Variants in PLCL2 observed in about 807,000 individuals in gnomAD.
The protein encoded by PLCL2 is inactive phospholipase C-like protein 2.
Under a neutral mutation model 79.6 loss-of-function variants are expected in PLCL2, and 4 were observed. That is an observed-to-expected ratio of 0.05 (90% confidence interval 0.02 to 0.11). The LOEUF (loss-of-function observed/expected upper bound fraction) is 0.11. Among genes scored for constraint, PLCL2 ranks in the 10% least tolerant of loss-of-function variants. The pLI, the probability that PLCL2 is intolerant of heterozygous loss-of-function variation, is 1.00. For synonymous variants in PLCL2, 484 were observed against 457.7 expected, an observed-to-expected ratio of 1.06 and a Z score of -0.73; for missense variants, 895 against 1,291.0, an observed-to-expected ratio of 0.69 and a Z score of 4.70.
intron 1 of PLCL2, among the ~76,000 whole-genome samples, chr3:16,929,774 T>C (rs1204435747): frequency 6.6e-6 from 1 of 152,202 alleles, no homozygotes; most frequent in Non-Finnish European, 1.5e-5. Flanking sequence ...TATCCTGACA[T>C]AGGAACTATT....
At chr3:16,928,426 C>G (rs1465940576) in intron 1 of PLCL2, among the ~76,000 whole-genome samples, 2 of 152,306 alleles carry the variant, frequency 1.3e-5, no homozygotes, top group South Asian at 4.2e-4. Flanking sequence ...GTATGAGAGT[C>G]CTCCAGGGAT....
intron 1 of PLCL2, among the ~76,000 whole-genome samples, chr3:16,937,583 T>C (rs1173010598): frequency 6.6e-6 from 1 of 152,246 alleles, no homozygotes; most frequent in Non-Finnish European, 1.5e-5. Context: ...GATTTGCTGT[T>C]GCGGCTTTCT....
intron 3 of PLCL2, among the ~76,000 whole-genome samples, chr3:17,028,191 G>A (rs570379813): frequency 2.0e-5 from 3 of 152,282 alleles, no homozygotes; most frequent in African/African-American, 4.8e-5. Context: ...GCTCTGCATC[G>A]TCTCTGAAAA....
chr3:17,023,480 A>G (rs890730750), intron 3 of PLCL2, among the ~76,000 whole-genome samples: 4 of 152,176 alleles, frequency 2.6e-5, no homozygotes, highest in South Asian at 2.1e-4. Context: ...GTGATAGTGA[A>G]TAAGTCTCAT....
At chr3:16,966,028 G>A (rs1458236925) in intron 1 of PLCL2, among the ~76,000 whole-genome samples, 3 of 151,856 alleles carry the variant, frequency 2.0e-5, no homozygotes, top group Non-Finnish European at 4.4e-5. Context: ...CTGCCTAATT[G>A]CCCTGGCCAG....
At position 16,885,233 on chromosome 3, in the gene PLCL2, G is replaced by A. The variant is rs1474968671; in HGVS notation, c.194G>A (p.Gly65Glu). The A allele has an allele frequency of 1.5e-6, 1 of 665,086 alleles. No individual in the cohort carries two copies. The highest frequency in any genetic ancestry group is 2.2e-5 in the Admixed American group (1 of 44,992). The allele number at this position is 665,086 out of a possible 1,614,324, so 41.2% of individuals were successfully genotyped here. Residue 65 changes from glycine to glutamate, a missense_variant, in exon 1 of 6, where the codon GGG becomes GAG. Physicochemically the swap from Gly to Glu is moderately conservative, Grantham distance 98. Coordinates refer to ENST00000615277, the MANE Select transcript of PLCL2 (RefSeq NM_001144382.2). ...GGAGACTGCAGCCTCGGCGTGTCCGGGGACGAAGCCCGGGCTAGCCCTACC... is the reference window on the plus strand; with the variant it reads ...GGAGACTGCAGCCTCGGCGTGTCCGAGGACGAAGCCCGGGCTAGCCCTACC... ...SNGDCSLGVS[G>E]DEARASPTRG...
chr3:17,037,491 T>C (rs2124915705), intron 3 of PLCL2, among the ~76,000 whole-genome samples: 1 of 152,366 alleles, frequency 6.6e-6, no homozygotes, highest in East Asian at 1.9e-4. Flanking sequence ...TCTAGCCTTT[T>C]TCTTTTATAG....
intron 5 of PLCL2, among the ~76,000 whole-genome samples, chr3:17,070,533 A>T (rs1193352453): frequency 6.6e-6 from 1 of 152,080 alleles, no homozygotes; most frequent in Non-Finnish European, 1.5e-5. Flanking sequence ...GTGTTTAAGG[A>T]TGGTAGAATG....
chr3:17,077,420 T>A (rs998439411), intron 5 of PLCL2, among the ~76,000 whole-genome samples: 1 of 152,232 alleles, frequency 6.6e-6, no homozygotes, highest in African/African-American at 2.4e-5. Context: ...ATGACTTCTG[T>A]GAGTTTTAGT....
chr3:17,038,893 A>G (rs2064688678), intron 3 of PLCL2, among the ~76,000 whole-genome samples: 1 of 152,212 alleles, frequency 6.6e-6, no homozygotes, highest in South Asian at 2.1e-4. Flanking sequence ...TGGGAAAAGC[A>G]GAGGCTTCAA....
chr3:16,994,029 C>T (rs982611333), intron 1 of PLCL2, among the ~76,000 whole-genome samples: 4 of 152,194 alleles, frequency 2.6e-5, no homozygotes, highest in Non-Finnish European at 5.9e-5. Context: ...GACTTAACAG[C>T]AGTGAGGCCT....
intron 5 of PLCL2, among the ~76,000 whole-genome samples, chr3:17,071,328 A>AAGGTT (rs1335668460): frequency 6.6e-6 from 1 of 151,672 alleles, no homozygotes; most frequent in Non-Finnish European, 1.5e-5. Context: ...GTTTTTTTTT[A>AAGGTT]TTTTGAAGGT....
At chr3:16,983,226 C>CCGT (rs199861075) in intron 1 of PLCL2, among the ~76,000 whole-genome samples, 2,405 of 100,320 alleles carry the variant, frequency 0.024, 58 homozygotes, top group African/African-American at 0.069. Flanking sequence ...ATTCAGCAGT[C>CCGT]CCTAACTAAT....
Position 17,072,158 on chromosome 3 carries a change from A to T in PLCL2, c.3204+4093A>T, listed in dbSNP as rs183814574. On this transcript the variant is annotated intron_variant, in intron 5 of 5. Transcript: ENST00000615277. ...ATTCTAATATAATTGTTCTTTAAAA[A>T]TTTTTAAGTACTAAATTTCATTTTA... Among the ~76,000 whole-genome samples, 8 of 152,306 alleles carry T rather than the reference A, an allele frequency of 5.3e-5. No homozygotes were observed. The East Asian group carries it at 1.4e-3, about 26-fold the overall frequency.
At chr3:17,080,551 A>G (rs932096135) in intron 5 of PLCL2, among the ~76,000 whole-genome samples, 1 of 152,064 alleles carries the variant, frequency 6.6e-6, no homozygotes, top group African/African-American at 2.4e-5. Context: ...CCCGGGTTCA[A>G]GTGATTCTCC....
chr3:17,045,129 G>A (rs2064767344), intron 4 of PLCL2, among the ~76,000 whole-genome samples: 2 of 152,168 alleles, frequency 1.3e-5, no homozygotes, highest in South Asian at 4.1e-4. Flanking sequence ...TTAGTCATAT[G>A]AAGAATTGCT....
chr3:17,043,291 C>T (rs983583261), intron 4 of PLCL2, among the ~76,000 whole-genome samples: 2 of 152,102 alleles, frequency 1.3e-5, no homozygotes, highest in Non-Finnish European at 2.9e-5. Context: ...GCTGGTCACC[C>T]GTGACTCTGG....
At chr3:17,069,834 A>T (rs2065045888) in intron 5 of PLCL2, among the ~76,000 whole-genome samples, 1 of 152,108 alleles carries the variant, frequency 6.6e-6, no homozygotes, top group Non-Finnish European at 1.5e-5. Flanking sequence ...CTTTTCACAT[A>T]TGTACTTTTC....
intron 1 of PLCL2, among the ~76,000 whole-genome samples, chr3:16,942,718 C>T (rs1045395270): frequency 2.0e-5 from 3 of 152,160 alleles, no homozygotes; most frequent in Non-Finnish European, 4.4e-5. Context: ...TTTTCTTCCT[C>T]ATTTCATCCC....
Sources: allele counts gnomAD v4.1 joint callset (sites outside exome capture counted in the v4.1 genomes callset), GRCh38; gene constraint gnomAD v4.1.1; transcripts MANE v1.5; gene names NCBI Gene and HGNC (gene_info 2026-07-23, HGNC 2026-07-21).